The following LRP1B variants were observed in gnomAD, a reference collection of about 807,000 sequenced individuals.
LRP1B encodes the protein LDL receptor related protein 1B, also known as low-density lipoprotein receptor-related protein 1B.
LRP1B carries 217 observed loss-of-function variants against 556.6 expected under a neutral mutation model. The ratio of observed to expected loss-of-function variants is 0.39; its 90% CI spans 0.35 to 0.44. The LOEUF (loss-of-function observed/expected upper bound fraction) is 0.44. Ranked by LOEUF, LRP1B falls within the 20% of genes least tolerant of loss-of-function variation. The pLI is 1.00. For missense variants in LRP1B, 5,053 were observed against 5,620.8 expected, an observed-to-expected ratio of 0.90 and a Z score of 3.23; for synonymous variants, 2,047 against 1,865.8, an observed-to-expected ratio of 1.10 and a Z score of -2.50.
intron 2 of LRP1B, among the ~76,000 whole-genome samples, chr2:141,735,607 T>G (rs900484101): frequency 6.6e-6 from 1 of 152,050 alleles, no homozygotes; most frequent in African/African-American, 2.4e-5. Flanking sequence ...CAGTGGAAGA[T>G]AGAAGTAAAA....
intron 7 of LRP1B, among the ~76,000 whole-genome samples, chr2:141,093,010 G>T (rs560831686): frequency 1.8e-4 from 27 of 151,692 alleles, no homozygotes; most frequent in African/African-American, 6.3e-4. Context: ...AAACAAAGAG[G>T]CTGGAGAGGA....
intron 1 of LRP1B, among the ~76,000 whole-genome samples, chr2:142,021,967 G>T (rs1333641650): frequency 6.6e-6 from 1 of 152,032 alleles, no homozygotes; most frequent in Non-Finnish European, 1.5e-5. Context: ...CCATTTCAAG[G>T]CTAAAATATT....
intron 32 of LRP1B, among the ~76,000 whole-genome samples, chr2:140,806,952 T>A (rs1308883696): frequency 6.6e-6 from 1 of 152,254 alleles, no homozygotes; most frequent in Non-Finnish European, 1.5e-5. Context: ...AAATACAATA[T>A]ATGCAGTCTG....
At chr2:142,004,899 G>C (rs1702756388) in intron 1 of LRP1B, among the ~76,000 whole-genome samples, 1 of 151,718 alleles carries the variant, frequency 6.6e-6, no homozygotes, top group Non-Finnish European at 1.5e-5. Flanking sequence ...TTTTCTTGTA[G>C]AATATGCCTA....
At chr2:140,998,839 A>T (rs1036953250) in intron 15 of LRP1B, among the ~76,000 whole-genome samples, 2 of 152,102 alleles carry the variant, frequency 1.3e-5, no homozygotes, top group Non-Finnish European at 2.9e-5. Context: ...AACCAGGAAG[A>T]TCATGTCACA....
intron 5 of LRP1B, among the ~76,000 whole-genome samples, chr2:141,237,450 C>T (rs1413323224): frequency 6.6e-6 from 1 of 151,254 alleles, no homozygotes; most frequent in South Asian, 2.1e-4. Flanking sequence ...AAGCAATCCT[C>T]CTTCCTTGGC....
chr2:141,366,797 G>A (rs1174885553), intron 3 of LRP1B, among the ~76,000 whole-genome samples: 1 of 152,186 alleles, frequency 6.6e-6, no homozygotes, highest in East Asian at 1.9e-4. Context: ...CTATGGTGAA[G>A]GGATGGATCC....
chr2:141,475,644 A>G (rs539695098), intron 3 of LRP1B, among the ~76,000 whole-genome samples: 30 of 151,866 alleles, frequency 2.0e-4, no homozygotes, highest in African/African-American at 6.8e-4. Context: ...TAAACCCCAA[A>G]CCTCGGGCTC....
intron 35 of LRP1B, among the ~76,000 whole-genome samples, chr2:140,748,850 A>AAT (rs1275890366): frequency 7.2e-6 from 1 of 138,334 alleles, no homozygotes; most frequent in Non-Finnish European, 1.6e-5. Context: ...ACATGTATAT[A>AAT]ATATATATAC....
At chr2:140,565,227 T>C (rs1212621034) in intron 43 of LRP1B, among the ~76,000 whole-genome samples, 1 of 95,954 alleles carries the variant, frequency 1.0e-5, no homozygotes, top group African/African-American at 3.6e-5. Context: ...TGCTGAACTT[T>C]TACATGAACA....
At chr2:142,081,846 C>T (rs1024482839) in intron 1 of LRP1B, among the ~76,000 whole-genome samples, 18 of 152,074 alleles carry the variant, frequency 1.2e-4, no homozygotes, top group Non-Finnish European at 1.9e-4. Flanking sequence ...AACTCTCAAC[C>T]CACTTAATCC....
intron 35 of LRP1B, among the ~76,000 whole-genome samples, chr2:140,730,202 G>A (rs907049232): frequency 3.3e-5 from 5 of 152,076 alleles, no homozygotes; most frequent in Admixed American, 6.6e-5. Flanking sequence ...CTAAATGGTC[G>A]CCTTCCTTTA....
chr2:141,702,796 G>C (rs1259882169), intron 2 of LRP1B, among the ~76,000 whole-genome samples: 1 of 151,878 alleles, frequency 6.6e-6, no homozygotes. Context: ...AAACAGTTGT[G>C]GGACTATAAA....
chr2:140,322,703 C>T (rs904348465), intron 81 of LRP1B, among the ~76,000 whole-genome samples: 1 of 151,868 alleles, frequency 6.6e-6, no homozygotes, highest in African/African-American at 2.4e-5. Context: ...AATTTTTATC[C>T]AATCAGCATC....
At chr2:140,405,551 ATT>A (rs1684693722) in intron 66 of LRP1B, among the ~76,000 whole-genome samples, 1 of 152,200 alleles carries the variant, frequency 6.6e-6, no homozygotes, top group Non-Finnish European at 1.5e-5. Context: ...CGAATAAATC[ATT>A]TGAGACTATT....
intron 86 of LRP1B, among the ~76,000 whole-genome samples, chr2:140,268,117 T>G (rs1005203985): frequency 6.6e-6 from 1 of 152,076 alleles, no homozygotes; most frequent in East Asian, 1.9e-4. Flanking sequence ...AAATGAAGAC[T>G]GGGATTCAGG....
At chr2:141,096,554 C>T (rs1224195769) in intron 7 of LRP1B, among the ~76,000 whole-genome samples, 11 of 147,924 alleles carry the variant, frequency 7.4e-5, no homozygotes, top group African/African-American at 2.5e-4. Context: ...TGCATCACAC[C>T]TGGGAGGCGG....
chr2:141,609,839 A>G (rs1010918011), intron 2 of LRP1B, among the ~76,000 whole-genome samples: 2 of 152,142 alleles, frequency 1.3e-5, no homozygotes, highest in African/African-American at 4.8e-5. Flanking sequence ...TAGTCTTTCC[A>G]CAATCTAATC....
intron 43 of LRP1B, among the ~76,000 whole-genome samples, chr2:140,575,912 C>G (rs1350371794): frequency 6.7e-6 from 1 of 150,252 alleles, no homozygotes; most frequent in Non-Finnish European, 1.5e-5. Flanking sequence ...CAAAGCAAGA[C>G]TCTGTCTCAA....
Sources: allele counts gnomAD v4.1 joint callset (sites outside exome capture counted in the v4.1 genomes callset), GRCh38; gene constraint gnomAD v4.1.1; transcripts MANE v1.5; gene names NCBI Gene and HGNC (gene_info 2026-07-23, HGNC 2026-07-21).